The following CSMD1 variants were observed in gnomAD, a reference collection of about 807,000 sequenced individuals.
CSMD1 encodes the protein CUB and sushi domain-containing protein 1.
Under a neutral mutation model 417.5 loss-of-function variants are expected in CSMD1, and 213 were observed. That is an observed-to-expected ratio of 0.51 (90% CI 0.46 to 0.57). The LOEUF is 0.57. CSMD1 is among the 20% of genes least tolerant of loss of function. The pLI is 0.00. For missense variants in CSMD1, 6,923 were observed against 4,529.7 expected (o/e 1.53, Z -15.17); for synonymous variants, 2,862 against 1,736.8 (o/e 1.65, Z -16.11).
intron 10 of CSMD1, among the ~76,000 whole-genome samples, chr8:3,519,253 C>G (rs1284167997): frequency 6.6e-6 from 1 of 152,138 alleles, no homozygotes; most frequent in Non-Finnish European, 1.5e-5. Context: ...ACATTTTGTC[C>G]TGTTCATATT....
intron 3 of CSMD1, among the ~76,000 whole-genome samples, chr8:4,126,406 C>A (rs1419245618): frequency 1.3e-5 from 2 of 152,186 alleles, no homozygotes; most frequent in Non-Finnish European, 2.9e-5. Context: ...GCCAAACACC[C>A]ATCACAGGAC....
chr8:3,645,802 C>G (rs1482208), intron 7 of CSMD1, among the ~76,000 whole-genome samples: 3,765 of 152,048 alleles, frequency 0.025, 161 homozygotes, highest in African/African-American at 0.084. Flanking sequence ...CAAAACAAAG[C>G]TGTCTATTCA....
At chr8:4,066,197 T>G (rs369180450) in intron 3 of CSMD1, among the ~76,000 whole-genome samples, 1 of 152,240 alleles carries the variant, frequency 6.6e-6, no homozygotes, top group Non-Finnish European at 1.5e-5. Flanking sequence ...CCTTAGGGAC[T>G]GTTTCAACTG....
chr8:3,925,300 G>A (rs1227309355), intron 5 of CSMD1, among the ~76,000 whole-genome samples: 2 of 152,232 alleles, frequency 1.3e-5, no homozygotes, highest in African/African-American at 2.4e-5. Flanking sequence ...AAGAGGTGAA[G>A]CATCAGAGTA....
At chr8:4,839,747 C>A (rs897013464) in intron 1 of CSMD1, among the ~76,000 whole-genome samples, 1 of 152,070 alleles carries the variant, frequency 6.6e-6, no homozygotes, top group Non-Finnish European at 1.5e-5. Context: ...TTAATAGCCT[C>A]GAATTTTAAA....
intron 23 of CSMD1, among the ~76,000 whole-genome samples, chr8:3,312,181 T>A (rs965225406): frequency 2.0e-5 from 3 of 152,212 alleles, no homozygotes; most frequent in Non-Finnish European, 4.4e-5. Context: ...TACAGAAATA[T>A]GTTTTATTGC....
chr8:4,461,941 T>C (rs987980359), intron 2 of CSMD1, among the ~76,000 whole-genome samples: 12 of 151,776 alleles, frequency 7.9e-5, no homozygotes, highest in Admixed American at 1.3e-4. Flanking sequence ...CGGGGTTTCA[T>C]CATGTTAGCC....
In CSMD1 at chr8:3,218,565, AT is replaced by A. The variant is rs1343666895; in HGVS notation, c.4672+689del. Among the ~76,000 whole-genome samples, 109 of 149,680 alleles carry A rather than the reference AT, an allele frequency of 7.3e-4. 2 individuals are homozygous for A. The highest frequency in any genetic ancestry group is 2.6e-3 in the African/African-American group (105 of 40,156). On this transcript the variant is annotated intron_variant, in intron 29 of 69. Coordinates refer to ENST00000635120, the MANE Select transcript of CSMD1 (RefSeq NM_033225.6). ...GATAGAGCAAGACTCCATCTCAAAA[AT>A]AAAAAAAAAAAGAAATTATTTTTGG...
chr8:4,349,820 C>A (rs532203400), intron 3 of CSMD1, among the ~76,000 whole-genome samples: 1 of 139,412 alleles, frequency 7.2e-6, no homozygotes, highest in South Asian at 2.3e-4. Flanking sequence ...ATGATATGAC[C>A]TTTTTTTTTT....
chr8:4,674,871 T>G (rs1347669264), intron 1 of CSMD1, among the ~76,000 whole-genome samples: 1 of 152,152 alleles, frequency 6.6e-6, no homozygotes, highest in Non-Finnish European at 1.5e-5. Context: ...TAGCTTTACA[T>G]GACGTTAGAA....
At chr8:3,050,499 C>G (rs1334654600) in intron 50 of CSMD1, among the ~76,000 whole-genome samples, 1 of 152,124 alleles carries the variant, frequency 6.6e-6, no homozygotes, top group African/African-American at 2.4e-5. Context: ...TTAAAATCAA[C>G]CCCAAACATA....
chr8:3,461,761 T>C (rs946299775), intron 12 of CSMD1, among the ~76,000 whole-genome samples: 1 of 152,132 alleles, frequency 6.6e-6, no homozygotes, highest in African/African-American at 2.4e-5. Context: ...ACAATACAGA[T>C]GAGTGGGACG....
Position 4,852,752 on chromosome 8 carries a change from C to G in CSMD1, c.85+141580G>C, listed in dbSNP as rs187483355. Among the ~76,000 whole-genome samples, 3 of 152,136 alleles carry G rather than the reference C, an allele frequency of 2.0e-5. No homozygotes were observed. The East Asian group carries it at 5.8e-4, about 29-fold the overall frequency. ...TGGTTAAGTGGTTATAACCAAAATG[C>G]TGATAGAAATGTGGACAGTGATGGG... On this transcript the variant is annotated intron_variant, in intron 1 of 69. Coordinates refer to ENST00000635120, the MANE Select transcript of CSMD1 (RefSeq NM_033225.6).
chr8:3,774,381 G>T (rs1469458726), intron 5 of CSMD1, among the ~76,000 whole-genome samples: 2 of 152,110 alleles, frequency 1.3e-5, no homozygotes, highest in Non-Finnish European at 2.9e-5. Flanking sequence ...ATCTCCCCGG[G>T]ATGCAAAACA....
At chr8:4,722,339 T>G (rs538565103) in intron 1 of CSMD1, among the ~76,000 whole-genome samples, 1 of 152,178 alleles carries the variant, frequency 6.6e-6, no homozygotes, top group African/African-American at 2.4e-5. Flanking sequence ...TTAATATCCA[T>G]GCAGATTTTA....
chr8:3,682,595 G>C (rs1035962005), intron 7 of CSMD1, among the ~76,000 whole-genome samples: 2 of 152,182 alleles, frequency 1.3e-5, no homozygotes, highest in Admixed American at 6.5e-5. Flanking sequence ...CTGTTGGTGG[G>C]ACTGTAAACT....
chr8:4,102,837 T>C (rs900508048), intron 3 of CSMD1, among the ~76,000 whole-genome samples: 4 of 152,158 alleles, frequency 2.6e-5, no homozygotes, highest in African/African-American at 9.7e-5. Flanking sequence ...TCCTGCTTGA[T>C]ATCAGGAAGG....
intron 3 of CSMD1, among the ~76,000 whole-genome samples, chr8:4,314,859 G>A (rs769364739): frequency 6.6e-6 from 1 of 152,194 alleles, no homozygotes; most frequent in Non-Finnish European, 1.5e-5. Context: ...GACAAGCTGG[G>A]TGTTAGAAAA....
At chr8:3,394,536 T>C (rs1477727000) in intron 17 of CSMD1, among the ~76,000 whole-genome samples, 1 of 152,010 alleles carries the variant, frequency 6.6e-6, no homozygotes, top group African/African-American at 2.4e-5. Flanking sequence ...AAAGGAAAAG[T>C]GTTCTAATAT....
Sources: gnomAD v4.1 joint callset for allele counts (sites outside exome capture counted in the v4.1 genomes callset) on GRCh38, gnomAD v4.1.1 for gene constraint, MANE v1.5 for transcripts, NCBI Gene and HGNC (gene_info 2026-07-23, HGNC 2026-07-21) for gene names.